Variants in PPM1E observed in about 807,000 individuals in gnomAD.
PPM1E encodes protein phosphatase 1E.
In PPM1E, 20 loss-of-function variants were observed where a neutral mutation model predicts 65.9. The ratio of observed to expected loss-of-function variants is 0.30; its 90% confidence interval spans 0.21 to 0.44. The LOEUF is 0.44. PPM1E is among the 20% of genes least tolerant of loss of function. The pLI, the probability that PPM1E is intolerant of heterozygous loss-of-function variation, is 1.00. For synonymous variants in PPM1E, 352 were observed against 374.9 expected (o/e 0.94, Z 0.70); for missense variants, 713 against 953.1 (o/e 0.75, Z 3.32).
chr17:58,764,193 T>G (rs1297928267), intron 1 of PPM1E, among the ~76,000 whole-genome samples: 1 of 151,972 alleles, frequency 6.6e-6, no homozygotes, highest in Non-Finnish European at 1.5e-5. Context: ...CAATTTGGAG[T>G]ATCACATTTC....
At chr17:58,969,848 T>C (rs1312719166) in intron 4 of PPM1E, 121 bp downstream of exon 4, 2 of 931,826 alleles carry the variant, frequency 2.1e-6, no homozygotes, top group East Asian at 2.6e-5. Flanking sequence ...AACTGTATTC[T>C]TGACTCACAG....
intron 1 of PPM1E, among the ~76,000 whole-genome samples, chr17:58,923,052 A>G (rs2051773014): frequency 6.6e-6 from 1 of 152,128 alleles, no homozygotes; most frequent in Non-Finnish European, 1.5e-5. Context: ...TTGGGATGCC[A>G]AGACAGCTGG....
rs1320551594 is a variant in PPM1E, at chr17:58,836,912, C to T, written c.464+80451C>T. Among the ~76,000 whole-genome samples the T allele has an allele frequency of 1.4e-3, 204 of 147,770 alleles. 1 individual carries two copies. The highest frequency in any genetic ancestry group is 4.2e-3 in the African/African-American group (169 of 40,248). ...GCGCGCGCCTGTAGTCCCAGCTACA[C>T]GGGAGGCTGAGGCAGGAGAATGGCG... On this transcript the variant is annotated intron_variant, in intron 1 of 6. Transcript: ENST00000308249.
intron 6 of PPM1E, among the ~76,000 whole-genome samples, chr17:58,973,303 G>A (rs543301604): frequency 9.1e-4 from 139 of 151,948 alleles, no homozygotes; most frequent in Middle Eastern, 3.4e-3. Flanking sequence ...TGTAATCCCA[G>A]CTACTTGGGA....
intron 1 of PPM1E, among the ~76,000 whole-genome samples, chr17:58,885,600 C>A (rs766548367): frequency 6.6e-5 from 10 of 152,090 alleles, no homozygotes; most frequent in African/African-American, 9.7e-5. Context: ...TTGTGCAATG[C>A]CTCCAAAAAG....
At chr17:58,975,741 GACTTT>G (rs2143773813) in intron 6 of PPM1E, among the ~76,000 whole-genome samples, 1 of 152,300 alleles carries the variant, frequency 6.6e-6, no homozygotes, top group African/African-American at 2.4e-5. Flanking sequence ...AAGTAGTCTG[GACTTT>G]ACCAGGTGAA....
At chr17:58,818,906 G>A (rs896696642) in intron 1 of PPM1E, among the ~76,000 whole-genome samples, 24 of 152,160 alleles carry the variant, frequency 1.6e-4, no homozygotes, top group African/African-American at 5.8e-4. Context: ...AGGAAGCTAA[G>A]GTGGAAGGAT....
In PPM1E at chr17:58,972,292, T is replaced by G; in HGVS notation, c.1116+17T>G. On this transcript the variant is annotated intron_variant, in intron 5 of 6. Transcript: ENST00000308249. Reference sequence around the variant, plus strand: ...GACAGAGAGGTAAGTATGGTCTGTTTTAATAGAGCCCATGCTCTAGTTATT... The same window carrying G: ...GACAGAGAGGTAAGTATGGTCTGTTGTAATAGAGCCCATGCTCTAGTTATT... 1.2e-6 allele frequency: 2 copies of G among 1,607,164 alleles called. No individual in the cohort carries two copies. The highest frequency in any genetic ancestry group is 1.1e-5 in the South Asian group (1 of 90,628).
chr17:58,883,710 C>T (rs1417536950), intron 1 of PPM1E, among the ~76,000 whole-genome samples: 2 of 151,612 alleles, frequency 1.3e-5, no homozygotes, highest in Admixed American at 6.6e-5. Flanking sequence ...TGGTCTCGAT[C>T]TCCTGACCTC....
chr17:58,802,952 A>G (rs926613485), intron 1 of PPM1E, among the ~76,000 whole-genome samples: 7 of 152,058 alleles, frequency 4.6e-5, no homozygotes, highest in African/African-American at 1.7e-4. Flanking sequence ...GGTTTCATAT[A>G]TATTAGATCA....
intron 1 of PPM1E, among the ~76,000 whole-genome samples, chr17:58,918,177 T>G (rs561005561): frequency 6.6e-6 from 1 of 152,320 alleles, no homozygotes; most frequent in East Asian, 1.9e-4. Context: ...AGTACTATGG[T>G]AGACACTGGA....
At chr17:58,825,224 TCACACACACACA>T (rs71367635) in intron 1 of PPM1E, among the ~76,000 whole-genome samples, 25 of 140,158 alleles carry the variant, frequency 1.8e-4, no homozygotes, top group Admixed American at 8.7e-4. Flanking sequence ...ACACACACAC[TCACACACACACA>T]CACACACACA....
chr17:58,820,416 A>T (rs2050467687), intron 1 of PPM1E, among the ~76,000 whole-genome samples: 1 of 152,146 alleles, frequency 6.6e-6, no homozygotes, highest in African/African-American at 2.4e-5. Context: ...ATCTCACAGG[A>T]TTGCTGCCAG....
intron 1 of PPM1E, among the ~76,000 whole-genome samples, chr17:58,798,363 G>T (rs1425302875): frequency 6.6e-6 from 1 of 150,768 alleles, no homozygotes; most frequent in East Asian, 2.0e-4. Context: ...TGAGTGGCTG[G>T]GATTACAGGC....
chr17:58,847,314 C>A (rs1007136944), intron 1 of PPM1E, among the ~76,000 whole-genome samples: 2 of 152,116 alleles, frequency 1.3e-5, no homozygotes. Context: ...GTTGCCATTG[C>A]TTTTGGTGTT....
At chr17:58,823,845 C>T (rs994353605) in intron 1 of PPM1E, among the ~76,000 whole-genome samples, 1 of 152,080 alleles carries the variant, frequency 6.6e-6, no homozygotes, top group Non-Finnish European at 1.5e-5. Flanking sequence ...ATTCTCCTGC[C>T]TCAGCCTCCC....
At chr17:58,806,961 C>T (rs2050322238) in intron 1 of PPM1E, among the ~76,000 whole-genome samples, 1 of 151,868 alleles carries the variant, frequency 6.6e-6, no homozygotes, top group Admixed American at 6.6e-5. Flanking sequence ...TGCCTCAGCC[C>T]CCCAAAGGCT....
At chr17:58,918,805 CAAAAAAA>C (rs71143301) in intron 1 of PPM1E, among the ~76,000 whole-genome samples, 6 of 75,818 alleles carry the variant, frequency 7.9e-5, no homozygotes, top group African/African-American at 1.1e-4. Flanking sequence ...GACTCCGTCT[CAAAAAAA>C]AAAAAAAAAA....
intron 1 of PPM1E, among the ~76,000 whole-genome samples, chr17:58,928,209 G>C (rs560921593): frequency 6.6e-6 from 1 of 152,066 alleles, no homozygotes; most frequent in African/African-American, 2.4e-5. Context: ...TCTAGGATGG[G>C]TGACAGAGCA....
Sources: allele counts gnomAD v4.1 joint callset (sites outside exome capture counted in the v4.1 genomes callset), GRCh38; gene constraint gnomAD v4.1.1; transcripts MANE v1.5; gene names NCBI Gene and HGNC (gene_info 2026-07-23, HGNC 2026-07-21).